Variants in GDAP1 observed in about 807,000 individuals in gnomAD.
GDAP1 encodes the protein ganglioside-induced differentiation-associated protein 1.
A neutral mutation model predicts 40.1 loss-of-function variants in GDAP1; 34 were observed. The ratio of observed to expected loss-of-function variants is 0.85; its 90% confidence interval spans 0.64 to 1.13. The LOEUF is 1.13. GDAP1 is among the 50% of genes most tolerant of loss of function. The probability of loss-of-function intolerance (pLI) is 0.00; values close to 1 mark genes in which losing one functional copy is unlikely to be tolerated. For missense variants in GDAP1, 374 were observed against 433.7 expected (o/e 0.86, Z 1.22); for synonymous variants, 170 against 157.4 (o/e 1.08, Z -0.60).
At chr8:74,368,173 T>C (rs73689107), downstream of GDAP1, among the ~76,000 whole-genome samples, 3,188 of 152,292 alleles carry the variant, frequency 0.021, 73 homozygotes, top group African/African-American at 0.055. Context: ...TGAAACATAA[T>C]GAAAGGGTCA....
At chr8:74,380,852 C>T (rs974908888) in intron 2 of GDAP1, among the ~76,000 whole-genome samples, 2 of 152,110 alleles carry the variant, frequency 1.3e-5, no homozygotes, top group Non-Finnish European at 2.9e-5. Flanking sequence ...ACCAGCTCAC[C>T]CCAGTGCTTA....
intron 2 of GDAP1, among the ~76,000 whole-genome samples, chr8:74,396,503 C>T (rs1291414567): frequency 2.0e-5 from 3 of 152,064 alleles, no homozygotes; most frequent in African/African-American, 7.2e-5. Context: ...TATCCTTCCC[C>T]CATCCCCCCA....
At chr8:74,423,036 T>G (rs1192827337) in intron 2 of GDAP1, among the ~76,000 whole-genome samples, 1 of 147,976 alleles carries the variant, frequency 6.8e-6, no homozygotes, top group Non-Finnish European at 1.5e-5. Flanking sequence ...TACTATAATA[T>G]ATATGCTATT....
chr8:74,488,314 A>C (rs1390266004), intron 2 of GDAP1, among the ~76,000 whole-genome samples: 1 of 152,182 alleles, frequency 6.6e-6, no homozygotes, highest in Non-Finnish European at 1.5e-5. Flanking sequence ...TTTCCAAAAT[A>C]TCACTGTTGG....
At chr8:74,458,477 T>C (rs1192245789) in intron 2 of GDAP1, among the ~76,000 whole-genome samples, 1 of 152,180 alleles carries the variant, frequency 6.6e-6, no homozygotes, top group Non-Finnish European at 1.5e-5. Context: ...CCTGGTTTGA[T>C]CTGCCCATGC....
chr8:74,402,365 G>A lies in GDAP1; in HGVS notation c.165+51044G>A, dbSNP rs544670473. Among the ~76,000 whole-genome samples the A allele has an allele frequency of 5.3e-5, 8 of 150,548 alleles. No individual in the cohort carries two copies. In the South Asian group the frequency reaches 1.2e-3, roughly 23 times the overall value. On this transcript the variant is annotated intron_variant, in intron 2 of 2. Coordinates refer to the GDAP1 transcript ENST00000523640. ...GCGTAGGACCCTCCGAGCCAGTTGC[G>A]GGATATAATCTCCTGGTGCACCGTT...
chr8:74,401,299 C>G lies in GDAP1; in HGVS notation c.165+49978C>G, dbSNP rs1278328998. On this transcript the variant is annotated intron_variant, in intron 2 of 2. Coordinates refer to the GDAP1 transcript ENST00000523640. ...ACTTCCCTTCTCACTTCATTTCATT[C>G]ATTTCATCTTCCATCACTGATACCC... is the stretch of plus-strand genomic sequence containing the variant. Among the ~76,000 whole-genome samples, 10 of 149,596 alleles carry G rather than the reference C, an allele frequency of 6.7e-5. No individual in the cohort carries two copies. In the East Asian group the frequency reaches 1.9e-3, roughly 29 times the overall value.
chr8:74,471,458 A>T (rs1430507610), intron 2 of GDAP1, among the ~76,000 whole-genome samples: 1 of 137,596 alleles, frequency 7.3e-6, no homozygotes, highest in Admixed American at 7.8e-5. Context: ...TTTTTTTTTA[A>T]AAAAAATAAT....
chr8:74,486,407 A>C (rs1456408561), intron 2 of GDAP1, among the ~76,000 whole-genome samples: 2 of 152,200 alleles, frequency 1.3e-5, no homozygotes, highest in Non-Finnish European at 2.9e-5. Context: ...TCACATGTCT[A>C]GCTCTCCTTC....
intron 2 of GDAP1, among the ~76,000 whole-genome samples, chr8:74,373,369 T>C (rs2131532394): frequency 6.6e-6 from 1 of 152,362 alleles, no homozygotes. Context: ...TTTCACGATA[T>C]TGATTCTTCC....
At chr8:74,472,705 C>A (rs1444629278) in intron 2 of GDAP1, among the ~76,000 whole-genome samples, 3 of 144,592 alleles carry the variant, frequency 2.1e-5, no homozygotes, top group African/African-American at 5.3e-5. Context: ...CGATATTGAG[C>A]TTTCTTTTCT....
chr8:74,435,717 A>G (rs1272455816), intron 2 of GDAP1, among the ~76,000 whole-genome samples: 1 of 152,234 alleles, frequency 6.6e-6, no homozygotes. Context: ...TGAATCTCAC[A>G]AAGAGATGTT....
At chr8:74,406,361 CTG>C (rs745794893) in intron 2 of GDAP1, among the ~76,000 whole-genome samples, 2 of 150,304 alleles carry the variant, frequency 1.3e-5, no homozygotes, top group Non-Finnish European at 2.9e-5. Context: ...CTCAGCAACA[CTG>C]TTTGTTTTAT....
Position 74,409,100 on chromosome 8 carries a change from C to T in GDAP1, c.165+57779C>T, listed in dbSNP as rs571944011. Among the ~76,000 whole-genome samples, 26 of 149,990 alleles carry T rather than the reference C, an allele frequency of 1.7e-4. 3 individuals are homozygous for T. The highest frequency in any genetic ancestry group is 5.8e-4 in the East Asian group (3 of 5,174). The stretch of plus-strand genomic sequence containing the variant: ...TATAAGTTTATAAAAGTGCTCTATA[C>T]GTGATTCTGATGTGCAATCAGAATG... On this transcript the variant is annotated intron_variant, in intron 2 of 2. Transcript: ENST00000523640.
At chr8:74,387,408 C>T (rs537950852) in intron 2 of GDAP1, among the ~76,000 whole-genome samples, 5 of 152,266 alleles carry the variant, frequency 3.3e-5, no homozygotes, top group South Asian at 4.2e-4. Flanking sequence ...TGAATTTTAT[C>T]GAAGGCCTTT....
chr8:74,464,818 C>T (rs1158893808), intron 2 of GDAP1, among the ~76,000 whole-genome samples: 2 of 152,136 alleles, frequency 1.3e-5, no homozygotes, highest in Non-Finnish European at 2.9e-5. Context: ...ACCTAAATAC[C>T]TGCCTACTGT....
At position 74,360,127 on chromosome 8, in the gene GDAP1, T is replaced by A. The variant is rs1404562902; in HGVS notation, c.311-10T>A. ...ACTTTTTCTTCAATATTTGTGTGTG[T>A]GTATTTTAGAAAGAACACCCAGGTT... On this transcript the variant is annotated splice_polypyrimidine_tract_variant and intron_variant, in intron 2 of 5. Transcript: ENST00000220822. The A allele has an allele frequency of 3.1e-6, 5 of 1,603,660 alleles. No individual in the cohort carries two copies. The highest frequency in any genetic ancestry group is 4.3e-6 in the Non-Finnish European group (5 of 1,170,474).
intron 2 of GDAP1, among the ~76,000 whole-genome samples, chr8:74,396,282 T>A (rs1810197913): frequency 1.3e-5 from 2 of 151,934 alleles, no homozygotes; most frequent in Non-Finnish European, 2.9e-5. Context: ...TCCAATGTCA[T>A]ATTATTTTAT....
intron 2 of GDAP1, among the ~76,000 whole-genome samples, chr8:74,411,628 TC>T (rs1805711040): frequency 6.7e-6 from 1 of 148,304 alleles, no homozygotes; most frequent in South Asian, 2.1e-4. Flanking sequence ...ATGCTTGCAA[TC>T]CCAGTACTTT....
Sources: gnomAD v4.1 joint callset for allele counts (sites outside exome capture counted in the v4.1 genomes callset) on GRCh38, gnomAD v4.1.1 for gene constraint, MANE v1.5 for transcripts, NCBI Gene and HGNC (gene_info 2026-07-23, HGNC 2026-07-21) for gene names.